The following ZNF529 variants were observed in gnomAD, a reference collection of about 807,000 sequenced individuals.
ZNF529 encodes the protein zinc finger protein 529.
ZNF529 carries 11 observed loss-of-function variants against 10.1 expected under a neutral mutation model. That is an observed-to-expected ratio of 1.09 (90% CI 0.69 to 1.81). The LOEUF (loss-of-function observed/expected upper bound fraction) is 1.81. Ranked by LOEUF, ZNF529 falls within the 40% of genes most tolerant of loss-of-function variation. The pLI is 0.00. For synonymous variants in ZNF529, 204 were observed against 215.7 expected (o/e 0.95, Z 0.47); for missense variants, 624 against 666.8 (o/e 0.94, Z 0.71).
chr19:36,543,631 ATATT>A lies in ZNF529; in HGVS notation c.*3231_*3234del, dbSNP rs753817793. Reference sequence around the variant, plus strand: ...CATAGACTGTGAGGCTTAAATACAGATATTTATTTTCTCACTGTTCTAATTAAAA... The same window carrying A: ...CATAGACTGTGAGGCTTAAATACAGATATTTTCTCACTGTTCTAATTAAAA... On this transcript the variant is annotated 3_prime_UTR_variant, in exon 5 of 5. Coordinates refer to ENST00000591340, the MANE Select transcript of ZNF529 (RefSeq NM_020951.5). 2.0e-5 allele frequency: 3 copies of A among 152,062 alleles called. No individual in the cohort carries two copies. The highest frequency in any genetic ancestry group is 4.4e-5 in the Non-Finnish European group (3 of 68,022). The allele number at this position is 152,062 out of a possible 1,614,324, so 9.4% of individuals were successfully genotyped here. A position where few individuals can be genotyped will look rare whatever the true frequency, so the allele number is the denominator to read the frequency against.
At chr19:36,596,285 G>A (rs986602852) in intron 1 of ZNF529, among the ~76,000 whole-genome samples, 2 of 151,582 alleles carry the variant, frequency 1.3e-5, no homozygotes, top group Admixed American at 1.3e-4. Flanking sequence ...TGTTGGCCAG[G>A]GTGGTCTCGA....
rs534375803 is a variant in ZNF529, at chr19:36,591,337, C to T, written c.-127-1636G>A. ...AAGAAAATAATTATTATAGACAAGT[C>T]AACAAATTTGAGAATTCAGATGAAA... is the stretch of plus-strand genomic sequence containing the variant. On this transcript the variant is annotated intron_variant, in intron 1 of 4. Coordinates refer to the ZNF529 transcript ENST00000585960. Among the ~76,000 whole-genome samples the T allele has an allele frequency of 3.3e-5, 5 of 149,710 alleles. No homozygotes were observed. The South Asian group carries it at 6.4e-4, about 19-fold the overall frequency.
chr19:36,579,645 A>G (rs905508334), intron 2 of ZNF529, among the ~76,000 whole-genome samples: 9 of 152,240 alleles, frequency 5.9e-5, no homozygotes, highest in Non-Finnish European at 1.2e-4. Context: ...TAAACATAGC[A>G]AAGGTACAGT....
upstream of ZNF529, among the ~76,000 whole-genome samples, chr19:36,575,815 C>G (rs1451985788): frequency 6.6e-6 from 1 of 151,814 alleles, no homozygotes; most frequent in Non-Finnish European, 1.5e-5. Context: ...TATAGAAACT[C>G]TAAGAGGTTT....
upstream of ZNF529, among the ~76,000 whole-genome samples, chr19:36,574,640 C>G (rs797006927): frequency 2.0e-5 from 3 of 152,254 alleles, no homozygotes; most frequent in South Asian, 2.1e-4. Context: ...AGCCATAGTT[C>G]TGATTTGTGT....
chr19:36,561,532 G>A (rs2035696637), intron 2 of ZNF529, among the ~76,000 whole-genome samples: 1 of 152,066 alleles, frequency 6.6e-6, no homozygotes, highest in Non-Finnish European at 1.5e-5. Context: ...ACAGGCACGT[G>A]ATGCCTTGGA....
At chr19:36,560,899 G>A (rs896117635) in intron 2 of ZNF529, among the ~76,000 whole-genome samples, 10 of 152,112 alleles carry the variant, frequency 6.6e-5, no homozygotes, top group Admixed American at 2.0e-4. Flanking sequence ...TTTATAACAC[G>A]GAAGCAAAAT....
At position 36,559,818 on chromosome 19, in the gene ZNF529, A is replaced by G. The variant is rs192231469; in HGVS notation, c.15-3621T>C. On this transcript the variant is annotated intron_variant, in intron 2 of 4. Coordinates refer to ENST00000591340, the MANE Select transcript of ZNF529 (RefSeq NM_020951.5). ...GCAGCAAACCTATATTTCAAAACTTAAGAACATTTCAAAACTTAAGATGAA... is the reference window on the plus strand; with the variant it reads ...GCAGCAAACCTATATTTCAAAACTTGAGAACATTTCAAAACTTAAGATGAA... Among the ~76,000 whole-genome samples, 302 of 151,108 alleles carry G rather than the reference A, an allele frequency of 2.0e-3. 1 individual carries two copies. The highest frequency in any genetic ancestry group is 7.2e-3 in the African/African-American group (290 of 40,436).
upstream of ZNF529, chr19:36,573,509 T>A (rs1443206566): frequency 2.1e-6 from 1 of 470,362 alleles, no homozygotes; most frequent in Non-Finnish European, 4.4e-6. Flanking sequence ...AGGCGGCTGG[T>A]GGTCCCTGAC....
intron 4 of ZNF529, 75 bp from the exon 5 acceptor site, chr19:36,548,397 A>G: frequency 1.5e-6 from 2 of 1,342,538 alleles, no homozygotes; most frequent in Non-Finnish European, 2.0e-6. Context: ...CAATTTAAGA[A>G]TAATTCACCA....
chr19:36,589,270 C>T (rs186597654), intron 2 of ZNF529, among the ~76,000 whole-genome samples: 22 of 152,144 alleles, frequency 1.4e-4, no homozygotes, highest in Non-Finnish European at 3.1e-4. Flanking sequence ...CCCAGACTTG[C>T]AACTGGTGTC....
At chr19:36,553,094 G>C (rs2035325086) in intron 4 of ZNF529, among the ~76,000 whole-genome samples, 1 of 152,106 alleles carries the variant, frequency 6.6e-6, no homozygotes. Flanking sequence ...AATAGAAATA[G>C]CACTTATATC....
At chr19:36,551,688 A>T (rs1003796781) in intron 4 of ZNF529, among the ~76,000 whole-genome samples, 2 of 152,240 alleles carry the variant, frequency 1.3e-5, no homozygotes, top group African/African-American at 4.8e-5. Context: ...CACTGATTCC[A>T]ATGAGGACTT....
At position 36,578,900 on chromosome 19, in the gene ZNF529, A is replaced by G. The variant is rs190959907; in HGVS notation, c.-41+10715T>C. Among the ~76,000 whole-genome samples, 455 of 149,280 alleles carry G rather than the reference A, an allele frequency of 3.0e-3. 4 individuals carry two copies. The highest frequency in any genetic ancestry group is 0.011 in the African/African-American group (438 of 40,898). Reference sequence around the variant, plus strand: ...GGCGTGAGCCACCGCACCCGGCCACATGTAGTATTAAATTGTGTATTTGCG... The same window carrying G: ...GGCGTGAGCCACCGCACCCGGCCACGTGTAGTATTAAATTGTGTATTTGCG... On this transcript the variant is annotated intron_variant, in intron 2 of 4. Coordinates refer to the ZNF529 transcript ENST00000585960.
chr19:36,566,153 C>T (rs190416215), intron 2 of ZNF529, among the ~76,000 whole-genome samples: 4 of 152,126 alleles, frequency 2.6e-5, no homozygotes, highest in Non-Finnish European at 4.4e-5. Flanking sequence ...TTAATGTGAT[C>T]CTTTCACTAG....
At chr19:36,587,396 T>C (rs2036605757) in intron 2 of ZNF529, 1 of 149,342 alleles carries the variant, frequency 6.7e-6, no homozygotes, top group Admixed American at 6.6e-5. Flanking sequence ...ATAAAAACTC[T>C]TTTACCCTGC....
chr19:36,601,973 T>G (rs545558293), intron 1 of ZNF529, among the ~76,000 whole-genome samples: 46 of 152,160 alleles, frequency 3.0e-4, no homozygotes, highest in African/African-American at 1.1e-3. Context: ...CTGGAACTCC[T>G]GGCTTCAAGC....
chr19:36,580,508 T>C (rs750230535), intron 2 of ZNF529: 4 of 152,190 alleles, frequency 2.6e-5, no homozygotes, highest in South Asian at 2.1e-4. Context: ...TTCAGCTCCA[T>C]TGTAATCTTA....
At chr19:36,576,129 G>A (rs2036311099), upstream of ZNF529, among the ~76,000 whole-genome samples, 1 of 152,046 alleles carries the variant, frequency 6.6e-6, no homozygotes, top group South Asian at 2.1e-4. Context: ...TTACAGGCGT[G>A]AGCCACTGCA....
Sources: allele counts gnomAD v4.1 joint callset (sites outside exome capture counted in the v4.1 genomes callset), GRCh38; gene constraint gnomAD v4.1.1; transcripts MANE v1.5; gene names NCBI Gene and HGNC (gene_info 2026-07-23, HGNC 2026-07-21).